Variants in RASSF5 observed in about 807,000 individuals in gnomAD.
RASSF5 encodes ras association domain-containing protein 5.
A neutral mutation model predicts 40.5 loss-of-function variants in RASSF5; 25 were observed. That is an observed-to-expected ratio of 0.62 (90% CI 0.45 to 0.86). The LOEUF is 0.86. RASSF5 is among the 40% of genes least tolerant of loss of function. The pLI, the probability that RASSF5 is intolerant of heterozygous loss-of-function variation, is 0.00. For synonymous variants in RASSF5, 246 were observed against 252.4 expected (o/e 0.97, Z 0.24); for missense variants, 521 against 572.8 (o/e 0.91, Z 0.92).
At chr1:206,564,018 A>G (rs1418352805) in intron 2 of RASSF5, among the ~76,000 whole-genome samples, 1 of 152,228 alleles carries the variant, frequency 6.6e-6, no homozygotes, top group Non-Finnish European at 1.5e-5. Context: ...CTTCCCATCC[A>G]GCTCAAGCCA....
At chr1:206,521,403 T>G (rs782658492) in intron 1 of RASSF5, among the ~76,000 whole-genome samples, 2 of 152,212 alleles carry the variant, frequency 1.3e-5, no homozygotes, top group Non-Finnish European at 2.9e-5. Flanking sequence ...ACCAGTTGGA[T>G]GTAGTAGCCT....
chr1:206,509,922 T>TG (rs1444229268), intron 1 of RASSF5, among the ~76,000 whole-genome samples: 1 of 152,162 alleles, frequency 6.6e-6, no homozygotes, highest in Non-Finnish European at 1.5e-5. Context: ...GTGTGTGACT[T>TG]GGTGAGGTCT....
At chr1:206,567,858 A>C (rs1668328454) in intron 2 of RASSF5, among the ~76,000 whole-genome samples, 1 of 152,174 alleles carries the variant, frequency 6.6e-6, no homozygotes, top group Non-Finnish European at 1.5e-5. Flanking sequence ...CTCAATCCTC[A>C]AAACTACCAT....
Position 206,583,362 on chromosome 1 carries a change from T to G in RASSF5, c.673T>G (p.Cys225Gly). The change falls in exon 3 of 6, where the codon TGC (cysteine) becomes GGC (glycine). Residue 225 changes from cysteine to glycine, a missense_variant. Cys to Gly is a radical substitution (Grantham distance 159). Coordinates refer to ENST00000579436, the MANE Select transcript of RASSF5 (RefSeq NM_182663.4). ...CAGCTACAACACGCGAGAGAAGAACTGCCTGGGCATGAAACTGGTAAGCGC... is the reference window on the plus strand; with the variant it reads ...CAGCTACAACACGCGAGAGAAGAACGGCCTGGGCATGAAACTGGTAAGCGC... ...IDSYNTREKN[C>G]LGMKLSEDGT... is the part of the protein sequence containing the mutation. 1.2e-6 allele frequency: 2 copies of G among 1,611,480 alleles called. No homozygotes were observed. The highest frequency in any genetic ancestry group is 1.1e-5 in the South Asian group (1 of 91,014).
intron 1 of RASSF5, among the ~76,000 whole-genome samples, chr1:206,511,003 C>A (rs1666601181): frequency 6.6e-6 from 1 of 152,204 alleles, no homozygotes; most frequent in Admixed American, 6.5e-5. Flanking sequence ...AAACACTCTT[C>A]CCACTGTCTG....
chr1:206,512,345 A>C (rs999288202), intron 1 of RASSF5, among the ~76,000 whole-genome samples: 52 of 152,144 alleles, frequency 3.4e-4, no homozygotes, highest in African/African-American at 1.2e-3. Context: ...GTCTTATCAA[A>C]AGATGAAAGT....
At chr1:206,539,691 G>A (rs1038004443) in intron 2 of RASSF5, among the ~76,000 whole-genome samples, 7 of 152,156 alleles carry the variant, frequency 4.6e-5, no homozygotes, top group African/African-American at 1.7e-4. Flanking sequence ...CCCTTAGCAG[G>A]AACTGTCTAC....
intron 2 of RASSF5, among the ~76,000 whole-genome samples, chr1:206,565,258 A>G (rs4845109): frequency 0.87 from 131,880 of 152,154 alleles, 57,368 homozygotes; most frequent in East Asian, 1. Context: ...TTGGCTGCTC[A>G]TAGCCTCTCA....
At chr1:206,586,719 C>A in intron 5 of RASSF5, 107 bp from the exon 6 acceptor site, 5 of 845,628 alleles carry the variant, frequency 5.9e-6, no homozygotes, top group Non-Finnish European at 7.6e-6. Context: ...GTGTGAATCA[C>A]GGATGTGAAC....
chr1:206,561,052 G>A (rs1461058351), intron 2 of RASSF5, among the ~76,000 whole-genome samples: 4 of 152,196 alleles, frequency 2.6e-5, no homozygotes, highest in Non-Finnish European at 5.9e-5. Context: ...GAACACAGGC[G>A]TTCTGAACTC....
intron 2 of RASSF5, among the ~76,000 whole-genome samples, chr1:206,551,958 T>A (rs1484863929): frequency 6.6e-6 from 1 of 152,236 alleles, no homozygotes; most frequent in Non-Finnish European, 1.5e-5. Flanking sequence ...TTTGTCACTC[T>A]GTATTCTCAC....
chr1:206,517,093 A>T (rs1040089543), intron 1 of RASSF5, among the ~76,000 whole-genome samples: 8 of 152,222 alleles, frequency 5.3e-5, no homozygotes, highest in African/African-American at 1.9e-4. Flanking sequence ...GAAGGGTGGC[A>T]TCTGAGCACA....
chr1:206,516,877 T>C (rs995888002), intron 1 of RASSF5, among the ~76,000 whole-genome samples: 1 of 152,114 alleles, frequency 6.6e-6, no homozygotes, highest in Non-Finnish European at 1.5e-5. Context: ...TTGGAGATCT[T>C]GGGTGCAAGG....
intron 2 of RASSF5, chr1:206,544,975 G>C (rs1347709779): frequency 2.0e-5 from 3 of 152,140 alleles, no homozygotes; most frequent in Admixed American, 6.5e-5. Context: ...ATGACCACGT[G>C]GGGGAGCCAG....
At chr1:206,511,206 G>A (rs1422343424) in intron 1 of RASSF5, among the ~76,000 whole-genome samples, 1 of 152,192 alleles carries the variant, frequency 6.6e-6, no homozygotes, top group Admixed American at 6.5e-5. Flanking sequence ...GAGAACGAAA[G>A]GTCCTGTGAG....
intron 2 of RASSF5, among the ~76,000 whole-genome samples, chr1:206,556,633 A>G (rs1667994270): frequency 6.6e-6 from 1 of 152,130 alleles, no homozygotes; most frequent in Non-Finnish European, 1.5e-5. Context: ...GCCAAGTTCT[A>G]TGGGTGGGAA....
In RASSF5 at chr1:206,589,003, A is replaced by AGAT. The variant is rs1669250711; in HGVS notation, c.*2026_*2028dup. On this transcript the variant is annotated 3_prime_UTR_variant, in exon 6 of 6. Coordinates refer to ENST00000579436, the MANE Select transcript of RASSF5 (RefSeq NM_182663.4). ...TAAAGGCATATAGCTATATATAAAG[A>AGAT]GATAAGGGTGTTTATGAAATGAGAA... is the stretch of plus-strand genomic sequence containing the variant. The AGAT allele has an allele frequency of 6.5e-6, 1 of 152,764 alleles. No homozygotes were observed. Among genetic ancestry groups the AGAT allele is most frequent in the East Asian group, 1.9e-4 (1 of 5,338 alleles). The allele number at this position is 152,764 out of a possible 1,614,324, so 9.5% of individuals were successfully genotyped here.
intron 1 of RASSF5, among the ~76,000 whole-genome samples, chr1:206,523,488 TTATATATTATATATTTTATATATTA>T (rs1553396443): frequency 1.1e-4 from 2 of 18,108 alleles, no homozygotes; most frequent in East Asian, 6.6e-3. Context: ...ATATATAATA[TTATATATTATATATTTTATATATTA>T]TATATTATAT....
At chr1:206,580,539 T>C (rs1241402126) in intron 2 of RASSF5, among the ~76,000 whole-genome samples, 2 of 152,120 alleles carry the variant, frequency 1.3e-5, no homozygotes, top group Non-Finnish European at 2.9e-5. Flanking sequence ...CATAGACATG[T>C]GCTCAGCTGG....
Sources: gnomAD v4.1 joint callset for allele counts (sites outside exome capture counted in the v4.1 genomes callset) on GRCh38, gnomAD v4.1.1 for gene constraint, MANE v1.5 for transcripts, NCBI Gene and HGNC (gene_info 2026-07-23, HGNC 2026-07-21) for gene names.